The following ANK2 variants were observed in gnomAD, a reference collection of about 807,000 sequenced individuals.
ANK2 encodes ankyrin-2.
A neutral mutation model predicts 360.5 loss-of-function variants in ANK2; 83 were observed. The ratio of observed to expected loss-of-function variants is 0.23; its 90% confidence interval spans 0.19 to 0.28. The LOEUF is 0.28. Ranked by LOEUF, ANK2 falls within the 10% of genes least tolerant of loss-of-function variation. The probability of loss-of-function intolerance (pLI) is 1.00; values close to 1 mark genes in which losing one functional copy is unlikely to be tolerated. For missense variants in ANK2, 4,201 were observed against 4,795.7 expected, an observed-to-expected ratio of 0.88 and a Z score of 3.66; for synonymous variants, 1,740 against 1,759.5, an observed-to-expected ratio of 0.99 and a Z score of 0.28.
At chr4:113,075,815 G>A (rs2079703198) in intron 1 of ANK2, among the ~76,000 whole-genome samples, 1 of 152,108 alleles carries the variant, frequency 6.6e-6, no homozygotes, top group Non-Finnish European at 1.5e-5. Flanking sequence ...TTCCCAAATC[G>A]TATTGGATTT....
At chr4:113,083,026 G>A (rs895286264) in intron 1 of ANK2, among the ~76,000 whole-genome samples, 1 of 151,616 alleles carries the variant, frequency 6.6e-6, no homozygotes, top group Non-Finnish European at 1.5e-5. Flanking sequence ...TATCTGGAGA[G>A]GACTGTACAT....
At chr4:112,772,206 G>T in the ANK2 span, among the ~76,000 whole-genome samples, 1 of 152,280 alleles carries the variant, frequency 6.6e-6, no homozygotes, top group Non-Finnish European at 1.5e-5. Context: ...TGGCTGGGAA[G>T]GCCTCACAAT....
intron 2 of ANK2, among the ~76,000 whole-genome samples, chr4:112,909,778 G>A (rs886431369): frequency 6.6e-6 from 1 of 152,190 alleles, no homozygotes; most frequent in African/African-American, 2.4e-5. Context: ...AGCAGAGACT[G>A]TGTCGAAGGT....
chr4:112,984,478 G>C (rs2044187544), intron 2 of ANK2, among the ~76,000 whole-genome samples: 1 of 152,124 alleles, frequency 6.6e-6, no homozygotes, highest in Non-Finnish European at 1.5e-5. Context: ...ACTATCACAA[G>C]AATAGCATGG....
chr4:112,912,186 A>G (rs972000960), intron 2 of ANK2, among the ~76,000 whole-genome samples: 2 of 152,048 alleles, frequency 1.3e-5, no homozygotes, highest in Non-Finnish European at 2.9e-5. Context: ...CAAAAAAAAA[A>G]AAAAAGAAAC....
At chr4:112,721,384 A>G in the ANK2 span, among the ~76,000 whole-genome samples, 1 of 152,014 alleles carries the variant, frequency 6.6e-6, no homozygotes, top group Non-Finnish European at 1.5e-5. Flanking sequence ...TACTAAAAAT[A>G]CAAAAAAATT....
the ANK2 span, among the ~76,000 whole-genome samples, chr4:112,746,637 C>T: frequency 7.4e-3 from 1,127 of 152,194 alleles, 21 homozygotes; most frequent in African/African-American, 0.026. Flanking sequence ...TGCTCCTTAG[C>T]TTATCACATG....
At chr4:113,369,906 A>G in intron 43 of ANK2, 101 bp downstream of exon 43, 5 of 1,445,900 alleles carry the variant, frequency 3.5e-6, no homozygotes, top group Non-Finnish European at 2.9e-6. Context: ...TCAAAACAAA[A>G]AAGTTAACCA....
At chr4:113,242,533 C>A (rs1390114771) in intron 9 of ANK2, among the ~76,000 whole-genome samples, 1 of 152,104 alleles carries the variant, frequency 6.6e-6, no homozygotes, top group Non-Finnish European at 1.5e-5. Context: ...GTATCAAGAA[C>A]CCAAACTAAT....
At chr4:112,908,813 G>C (rs935190510) in intron 2 of ANK2, among the ~76,000 whole-genome samples, 1 of 152,216 alleles carries the variant, frequency 6.6e-6, no homozygotes, top group Non-Finnish European at 1.5e-5. Context: ...TGCTGAAGGT[G>C]AATCAGCTCA....
At chr4:113,311,538 T>A in intron 24 of ANK2, 139 bp downstream of exon 24, 1 of 1,174,762 alleles carries the variant, frequency 8.5e-7, no homozygotes, top group Non-Finnish European at 1.2e-6. Flanking sequence ...TGTTATGTTT[T>A]TCCATTGTCT....
At chr4:113,020,255 C>T (rs759841194) in intron 2 of ANK2, among the ~76,000 whole-genome samples, 24 of 152,264 alleles carry the variant, frequency 1.6e-4, no homozygotes, top group Non-Finnish European at 2.6e-4. Context: ...GGTGCAATCA[C>T]AGCTCGCTGC....
chr4:112,853,235 T>C lies in ANK2; in HGVS notation c.-40+34971T>C, dbSNP rs530122525. Among the ~76,000 whole-genome samples, 4 of 152,222 alleles carry C rather than the reference T, an allele frequency of 2.6e-5. No homozygotes were observed. The East Asian group carries it at 7.7e-4, about 29-fold the overall frequency. On this transcript the variant is annotated intron_variant, in intron 1 of 30. Coordinates refer to the ANK2 transcript ENST00000503271. ...AGGCATGCACTACCACACCTGGCTA[T>C]TTTTTGTATTTTTAGTAGAGATGGG...
At chr4:112,797,745 G>T in the ANK2 span, 1 of 170,962 alleles carries the variant, frequency 5.8e-6, no homozygotes, top group Admixed American at 5.8e-5. Context: ...ATATACTCAC[G>T]GACAACTTCA....
the ANK2 span, among the ~76,000 whole-genome samples, chr4:112,800,650 T>A: frequency 6.6e-6 from 1 of 152,282 alleles, no homozygotes; most frequent in African/African-American, 2.4e-5. Context: ...AAAGTCAGCC[T>A]CACTGGCTTT....
chr4:112,887,451 A>G (rs2078730458), intron 1 of ANK2, among the ~76,000 whole-genome samples: 1 of 152,184 alleles, frequency 6.6e-6, no homozygotes, highest in Non-Finnish European at 1.5e-5. Context: ...GACTTATGGT[A>G]CTTTCAGTTT....
Position 113,369,672 on chromosome 4 carries a change from T to C in ANK2, c.11477T>C (p.Ile3826Thr), listed in dbSNP as rs1312091704. 6.2e-7 allele frequency: 1 copy of C among 1,614,056 alleles called. No individual in the cohort carries two copies. The highest frequency in any genetic ancestry group is 1.3e-5 in the African/African-American group (1 of 75,018). Residue 3826 changes from isoleucine to threonine, a missense_variant, in exon 43 of 46, where the codon ATA becomes ACA. This residue lies in a region of ANK2 where 2,642 missense variants were observed against 2,714.5 expected (regional missense o/e 0.97). Coordinates refer to ENST00000357077, the MANE Select transcript of ANK2 (RefSeq NM_001148.6). ...TSSERGGSPI[I>T]QEPEEPSEHR... is the part of the protein sequence containing the mutation. ...AGCGAGCGGGGAGGCTCTCCCATCA[T>C]ACAAGAACCCGAAGAGCCCTCAGAG... is the stretch of plus-strand genomic sequence containing the variant.
chr4:112,873,152 A>G (rs1404704155), intron 1 of ANK2, among the ~76,000 whole-genome samples: 1 of 151,928 alleles, frequency 6.6e-6, no homozygotes, highest in Non-Finnish European at 1.5e-5. Flanking sequence ...TAATTTGTTG[A>G]CTTTTTCAAA....
rs2076825283 is a variant in ANK2, at chr4:112,881,992, T to C, written c.-39-22463T>C. The C allele has an allele frequency of 5.3e-6, 3 of 564,692 alleles. No homozygotes were observed. The Admixed American group carries it at 7.0e-5, about 13-fold the overall frequency. The allele number at this position is 564,692 out of a possible 1,614,324, so 35.0% of individuals were successfully genotyped here. ...CGTGACAAACCCAGAGCCCCCGGAG[T>C]GCTTGGTGCTTGCATGTCTACTTAC... On this transcript the variant is annotated intron_variant, in intron 1 of 30. Coordinates refer to the ANK2 transcript ENST00000503271.
Sources: allele counts gnomAD v4.1 joint callset (sites outside exome capture counted in the v4.1 genomes callset), GRCh38; gene constraint gnomAD v4.1.1; regional missense constraint gnomAD v4.1.1; transcripts MANE v1.5; gene names NCBI Gene and HGNC (gene_info 2026-07-23, HGNC 2026-07-21).